Variants in XYLT2 observed in about 807,000 individuals in gnomAD.
XYLT2 encodes the protein xylosyltransferase 2, also known as UDP-D-xylose:proteoglycan core protein beta-D-xylosyltransferase.
Under a neutral mutation model 82.6 loss-of-function variants are expected in XYLT2, and 37 were observed. The observed-to-expected ratio is 0.45, with a 90% CI of 0.34 to 0.59. XYLT2 has a LOEUF of 0.59. Among genes scored for constraint, XYLT2 ranks in the 20% least tolerant of loss-of-function variants. XYLT2 has a pLI of 0.01. For missense variants in XYLT2, 934 were observed against 1,181.3 expected (o/e 0.79, Z 3.07); for synonymous variants, 474 against 499.0 (o/e 0.95, Z 0.67).
rs767702372 is a variant in XYLT2, at chr17:50,354,488, A to G, written c.709A>G (p.Met237Val). The part of the protein sequence containing the change: ...MDGPPVRIAY[M>V]LVVHGRAIRQ... ...TGGCCCCCCGGTGCGAATCGCCTAC[A>G]TGCTGGTGGTTCACGGCCGCGCCAT... The change falls in exon 3 of 11, where the codon ATG (methionine) becomes GTG (valine). Residue 237 changes from methionine (M) to valine (V), a missense_variant. By Grantham distance (21) the Met-to-Val change is conservative (BLOSUM62 1). Transcript: ENST00000017003. 2 of 1,613,324 alleles carry G rather than the reference A, an allele frequency of 1.2e-6. No homozygotes were observed. Among genetic ancestry groups the G allele is most frequent in the South Asian group, 2.2e-5 (2 of 91,062 alleles).
At chr17:50,356,886 A>T in intron 8 of XYLT2, 113 bp downstream of exon 8, 1 of 1,501,548 alleles carries the variant, frequency 6.7e-7, no homozygotes, top group East Asian at 2.3e-5. Flanking sequence ...GAAGCAGGGA[A>T]AAATGCAAAT....
chr17:50,355,730 T>A (rs1429677487), intron 5 of XYLT2, 51 bp from the exon 6 acceptor site: 1 of 1,605,784 alleles, frequency 6.2e-7, no homozygotes, highest in Non-Finnish European at 8.5e-7. Context: ...GTGAAAGAGC[T>A]TAGACCCCAC....
rs944235125 is a variant in XYLT2, at chr17:50,360,436, G to A, written c.*145G>A. ...AAGAACCCACACAGACGGCAGGGAA[G>A]GTGGACACAGTATGAACTACTGCTG... On this transcript the variant is annotated 3_prime_UTR_variant, in exon 11 of 11. Coordinates refer to ENST00000017003, the MANE Select transcript of XYLT2 (RefSeq NM_022167.4). 2.2e-5 allele frequency: 31 copies of A among 1,428,156 alleles called. No homozygotes were observed. The African/African-American group carries it at 4.3e-4, about 20-fold the overall frequency. The allele number at this position is 1,428,156 out of a possible 1,614,324, so 88.5% of individuals were successfully genotyped here.
chr17:50,348,172 T>G (rs961113187), intron 1 of XYLT2, among the ~76,000 whole-genome samples: 3 of 152,180 alleles, frequency 2.0e-5, no homozygotes, highest in East Asian at 3.9e-4. Flanking sequence ...GTGCTAATAC[T>G]GGGGATACAA....
chr17:50,355,700 G>A (rs1912490458), intron 5 of XYLT2, 81 bp from the exon 6 acceptor site: 1 of 1,587,746 alleles, frequency 6.3e-7, no homozygotes, highest in Admixed American at 1.7e-5. Flanking sequence ...ACAGGTTGAG[G>A]AGTGTTGGTT....
chr17:50,354,286 G>C (rs1598350277), intron 2 of XYLT2, 122 bp from the exon 3 acceptor site: 1 of 1,489,716 alleles, frequency 6.7e-7, no homozygotes, highest in East Asian at 2.4e-5. Flanking sequence ...GCAGAGTGGG[G>C]ACCCACGAGC....
At chr17:50,348,422 C>T (rs1011502238) in intron 1 of XYLT2, among the ~76,000 whole-genome samples, 1 of 152,102 alleles carries the variant, frequency 6.6e-6, no homozygotes, top group African/African-American at 2.4e-5. Context: ...AAGAAGGTTC[C>T]ATTCTGTGCG....
At chr17:50,351,887 A>G (rs1912285932) in intron 1 of XYLT2, among the ~76,000 whole-genome samples, 2 of 152,190 alleles carry the variant, frequency 1.3e-5, no homozygotes, top group South Asian at 4.1e-4. Context: ...GATGGAGTTC[A>G]GAAACCCAGA....
At position 50,353,863 on chromosome 17, in the gene XYLT2, G is replaced by A. The variant is rs1160818627; in HGVS notation, c.369G>A (p.Leu123=). Residue 123 remains leucine, a synonymous_variant, in exon 2 of 11, where the codon CTG becomes CTA. Coordinates refer to ENST00000017003, the MANE Select transcript of XYLT2 (RefSeq NM_022167.4). ...PPPEAPGRQN[L]SGAAAGEALV... is the part of the protein sequence containing the mutation. ...CGGAAGCCCCAGGCCGCCAGAACCT[G>A]AGTGGGGCAGCAGCTGGGGAGGCGC... 2 of 1,608,308 alleles carry A rather than the reference G, an allele frequency of 1.2e-6. No homozygotes were observed. The highest frequency in any genetic ancestry group is 2.2e-5 in the South Asian group (2 of 90,794).
chr17:50,349,243 G>A (rs1912156075), intron 1 of XYLT2, among the ~76,000 whole-genome samples: 1 of 152,228 alleles, frequency 6.6e-6, no homozygotes, highest in South Asian at 2.1e-4. Context: ...GCTTGGGAAT[G>A]TCTTTCTCTG....
rs1320472810 is a variant in XYLT2, at chr17:50,356,012, A to G, written c.1305+15A>G. 1 of 1,614,248 alleles carries G rather than the reference A, an allele frequency of 6.2e-7. No individual in the cohort carries two copies. The highest frequency in any genetic ancestry group is 1.7e-5 in the Admixed American group (1 of 60,030). On this transcript the variant is annotated intron_variant, in intron 6 of 10. Transcript: ENST00000017003. The stretch of plus-strand genomic sequence containing the variant: ...TCCCAGCCGAGGTGGGTAGCCCAGC[A>G]GGCATGAAGGCCAGGGAGGGCGTGG...
rs1381212357 is a variant in XYLT2, at chr17:50,353,830, C to T, written c.336C>T (p.Ala112=). The T allele has an allele frequency of 1.9e-6, 3 of 1,590,592 alleles. No homozygotes were observed. The highest frequency in any genetic ancestry group is 2.3e-5 in the South Asian group (2 of 88,716). The change falls in exon 2 of 11, where the codon GCC becomes GCT. Residue 112 remains alanine (A), a synonymous_variant. Coordinates refer to ENST00000017003, the MANE Select transcript of XYLT2 (RefSeq NM_022167.4). ...RQRASRRVPP[A]PPPEAPGRQN... ...GAGCCAGCCGGCGGGTCCCACCTGC[C>T]CCACCCCCGGAAGCCCCAGGCCGCC...
rs1912636978 is a variant in XYLT2 at position 50,358,243 on chromosome 17, CG to C, written c.1980del (p.Asn661ThrfsTer45). The C allele has an allele frequency of 2.5e-6, 4 of 1,610,594 alleles. No homozygotes were observed. Among genetic ancestry groups the C allele is most frequent in the Non-Finnish European group, 3.4e-6 (4 of 1,178,062 alleles). On this transcript the variant is annotated frameshift_variant, in exon 10 of 11. Transcript: ENST00000017003. LOFTEE classifies it high-confidence loss of function. ...TTGGGACCCCAAAGAGCGTCTTTTC[CG>C]GAACTTTGGGGGGTTACTGGGGCCG... ...TDWDPKERLFRNFGGLLGPLD... is the reference protein window; with the variant it reads ...TDWDPKERLFXNFGGLLGPLD...
chr17:50,350,312 T>G (rs1598347952), intron 1 of XYLT2, among the ~76,000 whole-genome samples: 1 of 103,566 alleles, frequency 9.7e-6, no homozygotes, highest in Non-Finnish European at 2.1e-5. Flanking sequence ...AGGCCTGTAA[T>G]CCCAGCACTT....
chr17:50,354,793 T>G (rs1271809773), intron 3 of XYLT2, 61 bp from the exon 4 acceptor site: 2 of 1,599,970 alleles, frequency 1.3e-6, no homozygotes, highest in Non-Finnish European at 1.7e-6. Flanking sequence ...CACTCTGTCC[T>G]GGGGTGGGAT....
rs775532420 is a variant in XYLT2, at chr17:50,355,762, G to A, written c.1089-19G>A. On this transcript the variant is annotated intron_variant, in intron 5 of 10. Transcript: ENST00000017003. ...CCACCCTGCAGGATCCCCAGCCATG[G>A]CCTCTCTGCTGCCCACAGGTTCATC... is the stretch of plus-strand genomic sequence containing the variant. 3.7e-6 allele frequency: 6 copies of A among 1,613,490 alleles called. No individual in the cohort carries two copies. The African/African-American group carries it at 8.0e-5, about 22-fold the overall frequency.
At chr17:50,359,509 A>C (rs1733157875) in intron 10 of XYLT2, 2 of 155,664 alleles carry the variant, frequency 1.3e-5, no homozygotes, top group African/African-American at 4.8e-5. Context: ...CTCCCAGTCA[A>C]GGGAAGAATG....
At chr17:50,355,384 G>T (rs537187664) in intron 4 of XYLT2, 117 bp from the exon 5 acceptor site, 2 of 1,114,680 alleles carry the variant, frequency 1.8e-6, no homozygotes, top group Middle Eastern at 2.0e-4. Context: ...ATCAGCCAGG[G>T]GTAGGGCACA....
At position 50,360,577 on chromosome 17, in the gene XYLT2, T is replaced by TTC. The variant is rs1912766398; in HGVS notation, c.*287_*288insCT. ...GTTTGAATTTCTTTTTTTTCTTTTT[T>TTC]TTTTTTTTTTTTTAATTTAAAAAGG... On this transcript the variant is annotated 3_prime_UTR_variant, in exon 11 of 11. Transcript: ENST00000017003. 2 of 929,118 alleles carry TTC rather than the reference T, an allele frequency of 2.2e-6. No individual in the cohort carries two copies. Among genetic ancestry groups the TTC allele is most frequent in the Non-Finnish European group, 2.7e-6 (2 of 751,896 alleles). The allele number at this position is 929,118 out of a possible 1,614,324, so 57.6% of individuals were successfully genotyped here. A position where few individuals can be genotyped will look rare whatever the true frequency, so the allele number is the denominator to read the frequency against.
Sources: allele counts gnomAD v4.1 joint callset (sites outside exome capture counted in the v4.1 genomes callset), GRCh38; gene constraint gnomAD v4.1.1; transcripts MANE v1.5; gene names NCBI Gene and HGNC (gene_info 2026-07-23, HGNC 2026-07-21).